Variants in XG observed in about 807,000 individuals in gnomAD.
The protein encoded by XG is Xg glycoprotein (Xg blood group).
XG carries 24 observed loss-of-function variants against 25.7 expected under a neutral mutation model. The observed-to-expected ratio is 0.93, with a 90% CI of 0.68 to 1.31. The LOEUF (loss-of-function observed/expected upper bound fraction) is 1.31, where lower values mean the gene tolerates loss of function less well. Among genes scored for constraint, XG ranks in the 40% most tolerant of loss-of-function variants. The pLI, the probability that XG is intolerant of heterozygous loss-of-function variation, is 0.00. For synonymous variants in XG, 77 were observed against 69.2 expected (o/e 1.11, Z -0.56); for missense variants, 181 against 187.6 (o/e 0.96, Z 0.21).
chrX:2,761,993 G>T (rs1478438586), intron 1 of XG, among the ~76,000 whole-genome samples: 1 of 152,146 alleles, frequency 6.6e-6, no homozygotes, highest in African/African-American at 2.4e-5. Context: ...CATCCCCTGG[G>T]AGCTGATGAG....
intron 4 of XG, among the ~76,000 whole-genome samples, chrX:2,785,460 A>T (rs56079844): frequency 0.5 from 54,465 of 108,305 alleles, 11,770 homozygotes; most frequent in Middle Eastern, 0.68. Context: ...ACTTAAAAAA[A>T]TTTTTTTGTA....
chrX:2,762,489 G>A (rs770558202), intron 1 of XG, among the ~76,000 whole-genome samples: 48 of 152,102 alleles, frequency 3.2e-4, no homozygotes, highest in Non-Finnish European at 6.2e-4. Context: ...CTGCAGCCCC[G>A]GTGAGCTTGA....
At chrX:2,784,797 C>T (rs1463086696) in intron 4 of XG, among the ~76,000 whole-genome samples, 2 of 111,529 alleles carry the variant, frequency 1.8e-5, no homozygotes. Context: ...GCTTCCTTTC[C>T]GACTTTGGTT....
At chrX:2,760,186 A>G (rs913364041) in intron 1 of XG, among the ~76,000 whole-genome samples, 5 of 151,970 alleles carry the variant, frequency 3.3e-5, no homozygotes, top group African/African-American at 1.2e-4. Context: ...TCTCAGAAAA[A>G]AAAAATTAAG....
chrX:2,811,886 G>A (rs1030153290), intron 10 of XG, among the ~76,000 whole-genome samples: 49 of 111,849 alleles, frequency 4.4e-4, no homozygotes, highest in African/African-American at 1.6e-3. Flanking sequence ...GTGAGCCACC[G>A]TGCCTGGCCA....
chrX:2,768,207 T>C (rs1195570881), intron 1 of XG, among the ~76,000 whole-genome samples: 1 of 151,816 alleles, frequency 6.6e-6, no homozygotes, highest in Non-Finnish European at 1.5e-5. Flanking sequence ...TTGGAGGAGA[T>C]TAAGTGGTTG....
chrX:2,764,607 C>T (rs1332712978), intron 1 of XG, among the ~76,000 whole-genome samples: 2 of 151,952 alleles, frequency 1.3e-5, no homozygotes, highest in East Asian at 3.9e-4. Flanking sequence ...GGAACTTTCC[C>T]CTCTGTGGGC....
intron 7 of XG, among the ~76,000 whole-genome samples, chrX:2,798,888 CT>C (rs1254883670): frequency 1.6e-3 from 163 of 100,714 alleles, no homozygotes; most frequent in Admixed American, 2.3e-3. Flanking sequence ...CTTTTTCTTT[CT>C]TTTTTTTTTT....
intron 4 of XG, among the ~76,000 whole-genome samples, chrX:2,785,655 G>C (rs1410381985): frequency 2.7e-5 from 3 of 111,190 alleles, no homozygotes; most frequent in Admixed American, 9.6e-5. Flanking sequence ...CAAGGAAAAG[G>C]AAAAATGAAG....
intron 10 of XG, among the ~76,000 whole-genome samples, chrX:2,811,893 G>GCCAA (rs2087061306): frequency 8.9e-6 from 1 of 111,996 alleles, no homozygotes; most frequent in East Asian, 2.8e-4. Flanking sequence ...ACCGTGCCTG[G>GCCAA]CCAACAATTG....
intron 3 of XG, among the ~76,000 whole-genome samples, chrX:2,779,178 T>A (rs2051065751): frequency 6.6e-6 from 1 of 151,862 alleles, no homozygotes; most frequent in Admixed American, 6.6e-5. Flanking sequence ...TAGGAGGTTT[T>A]TCTTAGATAC....
chrX:2,791,963 C>T (rs1295798216), intron 5 of XG, among the ~76,000 whole-genome samples: 1 of 110,798 alleles, frequency 9.0e-6, no homozygotes, highest in Non-Finnish European at 1.9e-5. Context: ...AACAAGGGAT[C>T]TTTATGTCAG....
chrX:2,778,986 A>C (rs968579580), intron 3 of XG, among the ~76,000 whole-genome samples: 7 of 151,660 alleles, frequency 4.6e-5, no homozygotes, highest in African/African-American at 1.5e-4. Flanking sequence ...CTGGTCTCGA[A>C]CTCCTGACCT....
intron 1 of XG, among the ~76,000 whole-genome samples, chrX:2,756,360 A>G (rs549407728): frequency 1.2e-4 from 19 of 152,304 alleles, no homozygotes; most frequent in Middle Eastern, 6.8e-3. Context: ...AGAGTTCGAT[A>G]GAAGAAATAA....
intron 4 of XG, among the ~76,000 whole-genome samples, chrX:2,784,466 A>G (rs1315673432): frequency 1.8e-5 from 2 of 108,739 alleles, no homozygotes; most frequent in Non-Finnish European, 3.8e-5. Flanking sequence ...GCAACTCGAG[A>G]GGCTGAGGCA....
At chrX:2,796,199 G>T (rs1191159161) in intron 6 of XG, among the ~76,000 whole-genome samples, 1 of 101,869 alleles carries the variant, frequency 9.8e-6, no homozygotes, top group Non-Finnish European at 1.9e-5. Context: ...GTCTTTATGT[G>T]TATAAATATC....
intron 4 of XG, among the ~76,000 whole-genome samples, chrX:2,782,468 G>C (rs2086739465): frequency 8.9e-6 from 1 of 111,821 alleles, no homozygotes; most frequent in South Asian, 3.8e-4. Context: ...AGGGAGGCTA[G>C]AGTTTTATTA....
chrX:2,761,466 A>C (rs1294314562), intron 1 of XG, among the ~76,000 whole-genome samples: 1 of 151,942 alleles, frequency 6.6e-6, no homozygotes, highest in Non-Finnish European at 1.5e-5. Flanking sequence ...ATGGACTAAG[A>C]CATCTCATAA....
chrX:2,777,317 TTTAAGG>T (rs2051021317), intron 3 of XG, among the ~76,000 whole-genome samples: 1 of 152,214 alleles, frequency 6.6e-6, no homozygotes, highest in Non-Finnish European at 1.5e-5. Flanking sequence ...ATTTTGACAT[TTTAAGG>T]TTAAGTGTTC....
Sources: gnomAD v4.1 joint callset for allele counts (sites outside exome capture counted in the v4.1 genomes callset) on GRCh38, gnomAD v4.1.1 for gene constraint, MANE v1.5 for transcripts, NCBI Gene and HGNC (gene_info 2026-07-23, HGNC 2026-07-21) for gene names.